The following SEMA6D variants were observed in gnomAD, a reference collection of about 807,000 sequenced individuals.
SEMA6D encodes the protein semaphorin 6D.
In SEMA6D, 35 loss-of-function variants were observed where a neutral mutation model predicts 106.6. That is an observed-to-expected ratio of 0.33 (90% CI 0.25 to 0.44). The LOEUF (loss-of-function observed/expected upper bound fraction) is 0.44. SEMA6D is among the 20% of genes least tolerant of loss of function. SEMA6D has a pLI of 1.00. For synonymous variants in SEMA6D, 499 were observed against 487.7 expected (o/e 1.02, Z -0.31); for missense variants, 1,185 against 1,345.9 (o/e 0.88, Z 1.87).
chr15:47,514,462 C>T (rs981899884), intron 3 of SEMA6D, among the ~76,000 whole-genome samples: 5 of 152,178 alleles, frequency 3.3e-5, no homozygotes, highest in Admixed American at 6.5e-5. Flanking sequence ...CCTAACCTAC[C>T]TCCCAAACCA....
intron 4 of SEMA6D, among the ~76,000 whole-genome samples, chr15:47,627,357 T>C (rs1474393673): frequency 6.6e-6 from 1 of 152,110 alleles, no homozygotes; most frequent in Non-Finnish European, 1.5e-5. Flanking sequence ...AGAATTATGG[T>C]GATGTGGAAG....
chr15:47,249,993 A>T (rs1041576510), intron 1 of SEMA6D, among the ~76,000 whole-genome samples: 1 of 152,150 alleles, frequency 6.6e-6, no homozygotes, highest in Admixed American at 6.5e-5. Flanking sequence ...ATAAGGTGGT[A>T]TTTCATCTAC....
At position 47,660,525 on chromosome 15, in the gene SEMA6D, G is replaced by A. The variant is rs145191857; in HGVS notation, c.-55+59629G>A. Among the ~76,000 whole-genome samples the A allele has an allele frequency of 1.8e-3, 274 of 152,260 alleles. 13 individuals carry two copies. The South Asian group carries it at 0.049, about 27-fold the overall frequency. On this transcript the variant is annotated intron_variant, in intron 4 of 19. Transcript: ENST00000558014. ...TAGACCCAGGCGGATGCAAAGGCTTGTATGGGATCTATTTGCCTATTTCTG... is the reference window on the plus strand; with the variant it reads ...TAGACCCAGGCGGATGCAAAGGCTTATATGGGATCTATTTGCCTATTTCTG...
At chr15:47,409,152 AGTT>A (rs1206482913) in intron 1 of SEMA6D, among the ~76,000 whole-genome samples, 1 of 152,220 alleles carries the variant, frequency 6.6e-6, no homozygotes, top group African/African-American at 2.4e-5. Flanking sequence ...AAATGCTGAT[AGTT>A]TATTTAAGCT....
intron 1 of SEMA6D, among the ~76,000 whole-genome samples, chr15:47,726,351 T>C (rs955100588): frequency 1.3e-5 from 2 of 152,264 alleles, no homozygotes; most frequent in African/African-American, 4.8e-5. Flanking sequence ...GGTACACTTT[T>C]AAGAACATGT....
At chr15:47,471,635 G>C (rs1317722433) in intron 3 of SEMA6D, among the ~76,000 whole-genome samples, 2 of 152,146 alleles carry the variant, frequency 1.3e-5, no homozygotes, top group Admixed American at 6.5e-5. Context: ...GAATTACCAT[G>C]AGATGGCAGT....
chr15:47,497,306 A>AG (rs1444803449), intron 3 of SEMA6D, among the ~76,000 whole-genome samples: 3 of 152,066 alleles, frequency 2.0e-5, no homozygotes, highest in Admixed American at 1.3e-4. Context: ...CCAAACAAAA[A>AG]GGAAAAACAA....
At position 47,194,565 on chromosome 15, in the gene SEMA6D, A is replaced by G. The variant is rs1444259343; in HGVS notation, c.-239+10147A>G. 2.6e-5 allele frequency among the ~76,000 whole-genome samples: 4 copies of G among 152,316 alleles called. No homozygotes were observed. The East Asian group carries it at 7.7e-4, about 29-fold the overall frequency. ...CACAAAGAACCAGGTCAAAAATACT[A>G]CATAAAGTAACTTCTTCTTAGCTTT... On this transcript the variant is annotated intron_variant, in intron 1 of 19. Transcript: ENST00000558014.
At chr15:47,699,585 G>T (rs2078767745) in intron 4 of SEMA6D, among the ~76,000 whole-genome samples, 1 of 152,164 alleles carries the variant, frequency 6.6e-6, no homozygotes, top group Non-Finnish European at 1.5e-5. Context: ...ACAGACAGAG[G>T]ATAGTGGCTG....
chr15:47,758,748 A>G (rs940206111), intron 1 of SEMA6D, among the ~76,000 whole-genome samples: 1 of 152,184 alleles, frequency 6.6e-6, no homozygotes, highest in African/African-American at 2.4e-5. Flanking sequence ...GTAATGCTCT[A>G]TATTTGAAGG....
intron 13 of SEMA6D, 161 bp from the exon 14 acceptor site, chr15:47,765,708 A>T (rs1395329463): frequency 1.5e-6 from 1 of 654,734 alleles, no homozygotes; most frequent in Non-Finnish European, 2.2e-6. Flanking sequence ...CCATGCAGAG[A>T]AGTAGAAGAT....
intron 4 of SEMA6D, among the ~76,000 whole-genome samples, chr15:47,691,069 A>G (rs934910825): frequency 6.6e-6 from 1 of 152,200 alleles, no homozygotes; most frequent in Non-Finnish European, 1.5e-5. Context: ...TTTGCAAAGG[A>G]TACCAAAGAA....
chr15:47,206,602 A>G (rs1470273217), intron 1 of SEMA6D, among the ~76,000 whole-genome samples: 1 of 151,966 alleles, frequency 6.6e-6, no homozygotes, highest in East Asian at 1.9e-4. Context: ...TAAGGAAAAC[A>G]GTAGCTTCCA....
chr15:47,254,326 T>C (rs2033677725), intron 1 of SEMA6D, among the ~76,000 whole-genome samples: 1 of 81,752 alleles, frequency 1.2e-5, no homozygotes, highest in African/African-American at 2.9e-5. Flanking sequence ...TATATGTGTG[T>C]GTGTGTATAT....
At chr15:47,625,915 A>G (rs1199370377) in intron 4 of SEMA6D, among the ~76,000 whole-genome samples, 1 of 152,152 alleles carries the variant, frequency 6.6e-6, no homozygotes, top group East Asian at 1.9e-4. Context: ...ATAATCCTAA[A>G]GTAACCATAT....
intron 4 of SEMA6D, among the ~76,000 whole-genome samples, chr15:47,672,895 TA>T (rs1364344914): frequency 1.3e-5 from 2 of 152,236 alleles, no homozygotes; most frequent in African/African-American, 4.8e-5. Context: ...GAAATGTTCC[TA>T]AAATTTTTAC....
At position 47,315,155 on chromosome 15, in the gene SEMA6D, C is replaced by T. The variant is rs572861688; in HGVS notation, c.-238-97238C>T. 3.3e-5 allele frequency among the ~76,000 whole-genome samples: 5 copies of T among 152,198 alleles called. No homozygotes were observed. The East Asian group carries it at 9.7e-4, about 29-fold the overall frequency. ...TGCTGGGATTACAAGCGTGAGCCAC[C>T]GCGCCCGGCCCTAGGTTTTCTTAAG... On this transcript the variant is annotated intron_variant, in intron 1 of 19. Transcript: ENST00000558014.
intron 3 of SEMA6D, among the ~76,000 whole-genome samples, chr15:47,575,987 C>T (rs1161889294): frequency 6.6e-6 from 1 of 152,172 alleles, no homozygotes; most frequent in East Asian, 1.9e-4. Flanking sequence ...AGAGAAAATT[C>T]TAGATTTACC....
intron 2 of SEMA6D, among the ~76,000 whole-genome samples, chr15:47,421,227 A>G (rs200750338): frequency 3.9e-5 from 6 of 152,148 alleles, no homozygotes; most frequent in East Asian, 1.9e-4. Context: ...TAGGTTCTCA[A>G]TCTCAGGTTC....
Sources: allele counts gnomAD v4.1 joint callset (sites outside exome capture counted in the v4.1 genomes callset), GRCh38; gene constraint gnomAD v4.1.1; transcripts MANE v1.5; gene names NCBI Gene and HGNC (gene_info 2026-07-23, HGNC 2026-07-21).